TP53BP1: variants seen among roughly 807,000 people sequenced by gnomAD.
TP53BP1 encodes tumor protein p53 binding protein 1.
A neutral mutation model predicts 200.8 loss-of-function variants in TP53BP1; 61 were observed. The ratio of observed to expected loss-of-function variants is 0.30; its 90% CI spans 0.25 to 0.38. TP53BP1 has a LOEUF of 0.38. TP53BP1 is among the 10% of genes least tolerant of loss of function. The pLI, the probability that TP53BP1 is intolerant of heterozygous loss-of-function variation, is 1.00. For synonymous variants in TP53BP1, 822 were observed against 844.3 expected (o/e 0.97, Z 0.46); for missense variants, 2,144 against 2,371.9 (o/e 0.90, Z 2.00).
chr15:43,444,958 T>C (rs1305717140), intron 14 of TP53BP1, among the ~76,000 whole-genome samples: 2 of 152,160 alleles, frequency 1.3e-5, no homozygotes, highest in Non-Finnish European at 2.9e-5. Context: ...ACCTTGGTGA[T>C]GACCTTGAGC....
intron 18 of TP53BP1, among the ~76,000 whole-genome samples, chr15:43,422,418 T>C (rs954412465): frequency 1.3e-5 from 2 of 152,170 alleles, no homozygotes; most frequent in African/African-American, 4.8e-5. Flanking sequence ...CAATAAAATA[T>C]AAAATAAACA....
Position 43,432,635 on chromosome 15 carries a change from C to G in TP53BP1, c.3234G>C (p.Glu1078Asp). The change falls in exon 17 of 28, where the codon GAG becomes GAC. Residue 1078 changes from glutamate to aspartate, a missense_variant. Transcript: ENST00000382044. ...LHFPSSQGEEEKEKLEGDHTI... is the reference protein window; with the variant it reads ...LHFPSSQGEEDKEKLEGDHTI... ...TATGGTCACCCTCCAATTTTTCTTT[C>G]TCCTCTTCTCCTTGAGAACTTGGAA... is the stretch of plus-strand genomic sequence containing the variant. 6.2e-7 allele frequency: 1 copy of G among 1,609,446 alleles called. No homozygotes were observed. Among genetic ancestry groups the G allele is most frequent in the Non-Finnish European group, 8.5e-7 (1 of 1,176,630 alleles).
At chr15:43,461,632 A>C (rs2046434869) in intron 11 of TP53BP1, among the ~76,000 whole-genome samples, 1 of 152,086 alleles carries the variant, frequency 6.6e-6, no homozygotes, top group South Asian at 2.1e-4. Flanking sequence ...CTATAGAAAG[A>C]AGTTTCTATT....
At chr15:43,503,193 CCAAT>C (rs1248388083) in intron 1 of TP53BP1, among the ~76,000 whole-genome samples, 1 of 152,220 alleles carries the variant, frequency 6.6e-6, no homozygotes, top group African/African-American at 2.4e-5. Context: ...AGCTATGACT[CCAAT>C]CAAATATAGA....
At chr15:43,503,581 C>T (rs1263517148) in intron 1 of TP53BP1, among the ~76,000 whole-genome samples, 2 of 152,150 alleles carry the variant, frequency 1.3e-5, no homozygotes, top group African/African-American at 4.8e-5. Context: ...ATTGTTTGAA[C>T]CCGGGAGGCG....
At chr15:43,475,450 C>T in intron 9 of TP53BP1, 115 bp downstream of exon 9, 2 of 1,227,082 alleles carry the variant, frequency 1.6e-6, no homozygotes, top group Non-Finnish European at 2.3e-6. Flanking sequence ...ATAGGTTCTA[C>T]CATTTGGTTT....
Position 43,479,881 on chromosome 15 carries a change from C to T in TP53BP1, c.636G>A (p.Leu212=). The change falls in exon 6 of 28, where the codon CTG becomes CTA. Residue 212 remains leucine, a synonymous_variant. Transcript: ENST00000382044. ...TACCAGTATTAGCATCCACATCAGA[C>T]AGCCTGGTATAACCAGAGTTGGTGG... ...SVTTNSGYTR[L]SDVDANTAIK... 6.2e-7 allele frequency: 1 copy of T among 1,614,236 alleles called. No individual in the cohort carries two copies. The highest frequency in any genetic ancestry group is 1.3e-5 in the African/African-American group (1 of 75,066).
chr15:43,418,209 A>G (rs938431682), intron 21 of TP53BP1, among the ~76,000 whole-genome samples: 1 of 135,662 alleles, frequency 7.4e-6, no homozygotes, highest in Non-Finnish European at 1.6e-5. Context: ...AAAAAAATCC[A>G]TTTTTTGGCT....
At chr15:43,475,811 AG>A in intron 8 of TP53BP1, 117 bp from the exon 9 acceptor site, 1 of 1,286,032 alleles carries the variant, frequency 7.8e-7, no homozygotes, top group East Asian at 2.4e-5. Flanking sequence ...TATTTCCAAA[AG>A]GGCAGAAATT....
chr15:43,428,019 A>G lies in TP53BP1; in HGVS notation c.3825T>C (p.Thr1275=), dbSNP rs2045587612. The part of the protein sequence containing the change: ...VDGTEVERKV[T]EETEEPIVEC... ...ACAGACTCAGAGTATGTATTACCTCAGTTACTTTTCTTTCTACTTCTGTTC... is the reference window on the plus strand; with the variant it reads ...ACAGACTCAGAGTATGTATTACCTCGGTTACTTTTCTTTCTACTTCTGTTC... Residue 1275 remains threonine (T), a synonymous_variant, in exon 18 of 28, where the codon ACT becomes ACC. Transcript: ENST00000382044. 1 of 1,603,186 alleles carries G rather than the reference A, an allele frequency of 6.2e-7. No individual in the cohort carries two copies. Among genetic ancestry groups the G allele is most frequent in the South Asian group, 1.1e-5 (1 of 90,140 alleles).
Position 43,403,715 on chromosome 15 carries a change from CTG to C in TP53BP1, c.*3666_*3667del. ...ACTGCCTGAATGAAATCCTAGATCT[CTG>C]TCACAGTTTTTGTTCGCTGGTCAGT... On this transcript the variant is annotated 3_prime_UTR_variant, in exon 28 of 28. Transcript: ENST00000382044. The C allele has an allele frequency of 6.2e-7, 1 of 1,613,288 alleles. No individual in the cohort carries two copies. Among genetic ancestry groups the C allele is most frequent in the Non-Finnish European group, 8.5e-7 (1 of 1,179,944 alleles).
chr15:43,432,514 T>C lies in TP53BP1; in HGVS notation c.3355A>G (p.Ser1119Gly). The C allele has an allele frequency of 6.2e-7, 1 of 1,614,188 alleles. No individual in the cohort carries two copies. The highest frequency in any genetic ancestry group is 8.5e-7 in the Non-Finnish European group (1 of 1,180,016). The change falls in exon 17 of 28, where the codon AGT becomes GGT. Residue 1119 changes from serine to glycine, a missense_variant. This residue lies in a region of TP53BP1 where 1,700 missense variants were observed against 1,710.3 expected (regional missense o/e 0.99). Coordinates refer to ENST00000382044, the MANE Select transcript of TP53BP1 (RefSeq NM_001141980.3). Reference protein sequence around the residue: ...SQKMVIQGPSSPQGEAMVTDV... With the variant: ...SQKMVIQGPSGPQGEAMVTDV... ...GTCACCATTGCCTCTCCTTGAGGAC[T>C]GGATGGCCCTTGTATGACCATCTTC...
Position 43,456,242 on chromosome 15 carries a change from G to C in TP53BP1, c.2366C>G (p.Ser789Cys). 6.2e-7 allele frequency: 1 copy of C among 1,614,156 alleles called. No homozygotes were observed. The highest frequency in any genetic ancestry group is 1.1e-5 in the South Asian group (1 of 91,084). The change falls in exon 12 of 28, where the codon TCC (serine) becomes TGC (cysteine). Residue 789 changes from serine (S) to cysteine (C), a missense_variant. Coordinates refer to ENST00000382044, the MANE Select transcript of TP53BP1 (RefSeq NM_001141980.3). ...PLEGVEKCSD[S>C]QSWEDIAPEI... ...TGGAGCAATATCCTCCCATGACTGGGAATCTGAGCACTTCTCCACTCCCTC... is the reference window on the plus strand; with the variant it reads ...TGGAGCAATATCCTCCCATGACTGGCAATCTGAGCACTTCTCCACTCCCTC...
At chr15:43,494,648 T>A (rs967597669), upstream of TP53BP1, among the ~76,000 whole-genome samples, 2 of 152,132 alleles carry the variant, frequency 1.3e-5, no homozygotes, top group African/African-American at 4.8e-5. Flanking sequence ...ACTAAACAAA[T>A]CTAATACTTA....
upstream of TP53BP1, among the ~76,000 whole-genome samples, chr15:43,494,198 A>G (rs1350809620): frequency 6.6e-6 from 1 of 152,176 alleles, no homozygotes; most frequent in East Asian, 1.9e-4. Flanking sequence ...AAACATATAC[A>G]TAGTAGGCAT....
chr15:43,417,494 C>G (rs1029258491), intron 21 of TP53BP1, among the ~76,000 whole-genome samples: 1 of 152,214 alleles, frequency 6.6e-6, no homozygotes, highest in Non-Finnish European at 1.5e-5. Flanking sequence ...CCAAGGCCAA[C>G]AATATACTTC....
intron 21 of TP53BP1, among the ~76,000 whole-genome samples, chr15:43,420,004 C>A (rs979937492): frequency 1.3e-5 from 2 of 152,166 alleles, no homozygotes; most frequent in Non-Finnish European, 2.9e-5. Context: ...CATACTAACA[C>A]CAGATGTCAA....
In TP53BP1 at chr15:43,404,932, TAAACTTTAAAAA is replaced by T. The variant is rs1164327997; in HGVS notation, c.*2439_*2450del. 7 of 532,160 alleles carry T rather than the reference TAAACTTTAAAAA, an allele frequency of 1.3e-5. No homozygotes were observed. Among genetic ancestry groups the T allele is most frequent in the Non-Finnish European group, 2.3e-5 (7 of 302,740 alleles). 33.0% of individuals were successfully genotyped at this position (532,160 alleles called of 1,614,324 possible). A position where few individuals can be genotyped will look rare whatever the true frequency, so the allele number is the denominator to read the frequency against. Reference sequence around the variant, plus strand: ...AGGAGGCGACCACCCCTTCTAACTCTAAACTTTAAAAAAAACTGATACCGAGATTCAGTGGTA... The same window carrying T: ...AGGAGGCGACCACCCCTTCTAACTCTAAACTGATACCGAGATTCAGTGGTA... On this transcript the variant is annotated 3_prime_UTR_variant, in exon 28 of 28. Coordinates refer to ENST00000382044, the MANE Select transcript of TP53BP1 (RefSeq NM_001141980.3).
chr15:43,485,576 CA>C (rs59927509), intron 4 of TP53BP1, among the ~76,000 whole-genome samples: 9 of 44,926 alleles, frequency 2.0e-4, no homozygotes, highest in East Asian at 7.1e-4. Flanking sequence ...GACGCCGTCT[CA>C]AAAAAAAAAA....
Sources: allele counts gnomAD v4.1 joint callset (sites outside exome capture counted in the v4.1 genomes callset), GRCh38; gene constraint gnomAD v4.1.1; regional missense constraint gnomAD v4.1.1; transcripts MANE v1.5; gene names NCBI Gene and HGNC (gene_info 2026-07-23, HGNC 2026-07-21).